The following BFSP2 variants were observed in gnomAD, a reference collection of about 807,000 sequenced individuals.
BFSP2 encodes beaded filament structural protein 2, also known as phakinin.
BFSP2 carries 38 observed loss-of-function variants against 44.9 expected under a neutral mutation model. The observed-to-expected ratio is 0.85, with a 90% CI of 0.65 to 1.11. The LOEUF (loss-of-function observed/expected upper bound fraction) is 1.11, where lower values mean the gene tolerates loss of function less well. Ranked by LOEUF, BFSP2 falls within the 50% of genes least tolerant of loss-of-function variation. The pLI, the probability that BFSP2 is intolerant of heterozygous loss-of-function variation, is 0.00. For synonymous variants in BFSP2, 197 were observed against 209.9 expected (o/e 0.94, Z 0.53); for missense variants, 525 against 533.0 (o/e 0.99, Z 0.15).
rs957602637 is a variant in BFSP2, at chr3:133,400,345, C to A, written c.262C>A (p.Leu88Met). 3.7e-6 allele frequency: 6 copies of A among 1,613,942 alleles called. No homozygotes were observed. In the African/African-American group the frequency reaches 4.0e-5, roughly 11 times the overall value. ...LGISSVFLQG[L>M]RSSGLATVPA... Reference sequence around the variant, plus strand: ...CATCAGCAGTGTCTTCCTTCAGGGCCTGCGGAGCTCAGGCCTGGCCACCGT... The same window carrying A: ...CATCAGCAGTGTCTTCCTTCAGGGCATGCGGAGCTCAGGCCTGGCCACCGT... Residue 88 changes from leucine (L) to methionine (M), a missense_variant, in exon 1 of 7, where the codon CTG (leucine) becomes ATG (methionine). Coordinates refer to ENST00000302334, the MANE Select transcript of BFSP2 (RefSeq NM_003571.4). The surrounding 1 kb of genome is among the most constrained non-coding windows in gnomAD (Gnocchi z 4.0).
chr3:133,461,873 T>TA (rs1264289845), intron 4 of BFSP2, among the ~76,000 whole-genome samples: 21 of 152,250 alleles, frequency 1.4e-4, no homozygotes, highest in African/African-American at 4.1e-4. Flanking sequence ...CTGTTGTACT[T>TA]ATTTATCTCC....
At chr3:133,415,454 A>C (rs1223505182) in intron 1 of BFSP2, among the ~76,000 whole-genome samples, 2 of 63,714 alleles carry the variant, frequency 3.1e-5, no homozygotes, top group Non-Finnish European at 2.9e-5. Flanking sequence ...CTCTCTACTC[A>C]CTCCTGTCCT....
chr3:133,453,705 C>G (rs2073985884), intron 4 of BFSP2, among the ~76,000 whole-genome samples: 1 of 152,168 alleles, frequency 6.6e-6, no homozygotes, highest in African/African-American at 2.4e-5. Context: ...CAGAGAAACT[C>G]TCAGGCAAAA....
At chr3:133,459,998 G>T (rs1303691889) in intron 4 of BFSP2, among the ~76,000 whole-genome samples, 1 of 152,172 alleles carries the variant, frequency 6.6e-6, no homozygotes, top group Non-Finnish European at 1.5e-5. Context: ...GTCTCCAAAA[G>T]GGGCAGAGGG....
rs559859007 is a variant in BFSP2 at position 133,432,869 on chromosome 3, C to G, written c.490-14448C>G. On this transcript the variant is annotated intron_variant, in intron 1 of 6. Coordinates refer to ENST00000302334, the MANE Select transcript of BFSP2 (RefSeq NM_003571.4). ...CTTACACAAGAGCCAGGACCACATC[C>G]TGCAGCCTTTCTGTCCAAACAACTT... Among the ~76,000 whole-genome samples the G allele has an allele frequency of 7.2e-4, 109 of 152,346 alleles. 1 individual carries two copies. Among genetic ancestry groups the G allele is most frequent in the African/African-American group, 2.3e-3 (97 of 41,568 alleles).
chr3:133,455,315 A>G (rs1559979003), intron 4 of BFSP2: 1 of 152,230 alleles, frequency 6.6e-6, no homozygotes, highest in Non-Finnish European at 1.5e-5. Context: ...CAAAGCTGCA[A>G]TCAAGGTACC....
At chr3:133,466,697 A>AT in intron 4 of BFSP2, 131 bp from the exon 5 acceptor site, 5 of 726,478 alleles carry the variant, frequency 6.9e-6, no homozygotes, top group Non-Finnish European at 6.6e-6. Context: ...AAAAAAAAAA[A>AT]GATGTTTCCA....
chr3:133,418,710 C>A (rs73211841), intron 1 of BFSP2, among the ~76,000 whole-genome samples: 12,398 of 152,284 alleles, frequency 0.081, 634 homozygotes, highest in Middle Eastern at 0.18. Context: ...TGAGAACATA[C>A]CTATGTTTTT....
At chr3:133,402,049 A>T (rs2107872779) in intron 1 of BFSP2, among the ~76,000 whole-genome samples, 1 of 152,300 alleles carries the variant, frequency 6.6e-6, no homozygotes, top group Admixed American at 6.5e-5. Flanking sequence ...CAAATCTAAG[A>T]GGCAGCCATT....
intron 1 of BFSP2, among the ~76,000 whole-genome samples, chr3:133,402,516 T>C (rs1388422241): frequency 2.0e-5 from 3 of 152,182 alleles, no homozygotes; most frequent in Non-Finnish European, 4.4e-5. Flanking sequence ...CCACATGGGC[T>C]CACTTTCCTC....
intron 1 of BFSP2, among the ~76,000 whole-genome samples, chr3:133,424,164 G>C (rs1343361881): frequency 4.7e-5 from 7 of 149,584 alleles, no homozygotes; most frequent in African/African-American, 1.7e-4. Context: ...CGATTCTCCT[G>C]CCTCAGAAGT....
intron 4 of BFSP2, among the ~76,000 whole-genome samples, chr3:133,459,157 T>G (rs1435992352): frequency 6.6e-6 from 1 of 151,748 alleles, no homozygotes; most frequent in Non-Finnish European, 1.5e-5. Flanking sequence ...CTGGGCAACA[T>G]AGTAAGACCC....
chr3:133,426,195 G>A (rs1014888395), intron 1 of BFSP2, among the ~76,000 whole-genome samples: 13 of 151,900 alleles, frequency 8.6e-5, no homozygotes, highest in African/African-American at 2.9e-4. Flanking sequence ...CCCTTCTTCA[G>A]TTGACCGCCT....
At chr3:133,423,716 G>GCTAC (rs2073615699) in intron 1 of BFSP2, among the ~76,000 whole-genome samples, 1 of 152,126 alleles carries the variant, frequency 6.6e-6, no homozygotes, top group African/African-American at 2.4e-5. Context: ...GGTGTCCCGG[G>GCTAC]CTACCGCCTC....
At chr3:133,431,058 A>C (rs1303335592) in intron 1 of BFSP2, among the ~76,000 whole-genome samples, 2 of 125,392 alleles carry the variant, frequency 1.6e-5, no homozygotes, top group African/African-American at 5.0e-5. Flanking sequence ...ATCAAATATA[A>C]AAAACCCAGC....
At chr3:133,416,978 CCTG>C (rs1327607212) in intron 1 of BFSP2, among the ~76,000 whole-genome samples, 2 of 142,062 alleles carry the variant, frequency 1.4e-5, no homozygotes, top group Admixed American at 6.9e-5. Flanking sequence ...CTCTATGCAC[CCTG>C]CTGTCTCCCC....
intron 1 of BFSP2, among the ~76,000 whole-genome samples, chr3:133,416,813 A>C (rs1576563415): frequency 2.8e-5 from 3 of 105,744 alleles, no homozygotes; most frequent in African/African-American, 7.6e-5. Flanking sequence ...CCTTCTATTC[A>C]CCCCTGTCCT....
rs750596253 is a variant in BFSP2 at position 133,472,530 on chromosome 3, G to C, written c.1209G>C (p.Ala403=). ...AGTGCCAGCTGCAGAAGGACGTGGC[G>C]TCCTACCACGCCCTGCTGGACAGGG... ...ARKCQLQKDV[A]SYHALLDREE... Residue 403 remains alanine, a synonymous_variant, in exon 6 of 7, where the codon GCG becomes GCC. Coordinates refer to ENST00000302334, the MANE Select transcript of BFSP2 (RefSeq NM_003571.4). The C allele has an allele frequency of 6.2e-7, 1 of 1,612,496 alleles. No individual in the cohort carries two copies. The highest frequency in any genetic ancestry group is 8.5e-7 in the Non-Finnish European group (1 of 1,179,956).
intron 1 of BFSP2, among the ~76,000 whole-genome samples, chr3:133,425,787 A>AAGGGGAAGGAAAGGGAAAGGGAAAG (rs372528952): frequency 2.4e-5 from 3 of 127,494 alleles, no homozygotes; most frequent in Middle Eastern, 3.6e-3. Context: ...GGGAAAGGGA[A>AAGGGGAAGGAAAGGGAAAGGGAAAG]GGGAAGGGAA....
Sources: allele counts gnomAD v4.1 joint callset (sites outside exome capture counted in the v4.1 genomes callset), GRCh38; gene constraint gnomAD v4.1.1; non-coding constraint Gnocchi (gnomAD v3.1); transcripts MANE v1.5; gene names NCBI Gene and HGNC (gene_info 2026-07-23, HGNC 2026-07-21).